Variants in TLCD4 observed in about 807,000 individuals in gnomAD.
TLCD4 encodes TLC domain-containing protein 4.
A neutral mutation model predicts 24.2 loss-of-function variants in TLCD4; 7 were observed. That is an observed-to-expected ratio of 0.29 (90% confidence interval 0.16 to 0.54). TLCD4 has a LOEUF of 0.54. Ranked by LOEUF, TLCD4 falls within the 20% of genes least tolerant of loss-of-function variation. TLCD4 has a pLI of 0.95. For missense variants in TLCD4, 259 were observed against 313.9 expected, an observed-to-expected ratio of 0.82 and a Z score of 1.32; for synonymous variants, 103 against 106.4, an observed-to-expected ratio of 0.97 and a Z score of 0.20.
At chr1:95,153,750 T>C (rs1190918916) in intron 5 of TLCD4, among the ~76,000 whole-genome samples, 1 of 152,142 alleles carries the variant, frequency 6.6e-6, no homozygotes, top group Non-Finnish European at 1.5e-5. Flanking sequence ...ATTAGGTAGC[T>C]ATTGTCTTAT....
intron 6 of TLCD4, among the ~76,000 whole-genome samples, chr1:95,189,648 A>G (rs1183064151): frequency 6.6e-6 from 1 of 152,210 alleles, no homozygotes; most frequent in Non-Finnish European, 1.5e-5. Context: ...GGAATCATAC[A>G]GTGTACAGGA....
chr1:95,111,460 AG>A, the TLCD4 span, among the ~76,000 whole-genome samples: 4 of 152,254 alleles, frequency 2.6e-5, no homozygotes, highest in Non-Finnish European at 5.9e-5. Flanking sequence ...GAACGACCAG[AG>A]GTGTTTATCA....
chr1:95,113,239 C>T (rs775868479), upstream of TLCD4, among the ~76,000 whole-genome samples: 98 of 151,918 alleles, frequency 6.5e-4, no homozygotes, highest in Non-Finnish European at 9.7e-4. Context: ...TACGGGGTTT[C>T]GCCATGTTGG....
chr1:95,096,875 G>A, the TLCD4 span, among the ~76,000 whole-genome samples: 1 of 152,186 alleles, frequency 6.6e-6, no homozygotes, highest in Non-Finnish European at 1.5e-5. Flanking sequence ...GAATTTAGGG[G>A]TAGTGGAAAG....
chr1:95,144,033 AAAG>A lies in TLCD4; in HGVS notation c.137_139del (p.Lys46del). 1 of 1,542,058 alleles carries A rather than the reference AAAG, an allele frequency of 6.5e-7. No homozygotes were observed. Among genetic ancestry groups the A allele is most frequent in the Non-Finnish European group, 8.7e-7 (1 of 1,147,466 alleles). On this transcript the variant is annotated inframe_deletion, in exon 2 of 7. Coordinates refer to ENST00000370203, the MANE Select transcript of TLCD4 (RefSeq NM_152487.3). ...CAGGTTTCAATAGTCTCAGCTTCAA[AAAG>A]AAGATTGAATGGAACTCAAGGTAAA...
chr1:95,103,022 A>G, the TLCD4 span, among the ~76,000 whole-genome samples: 75 of 151,934 alleles, frequency 4.9e-4, no homozygotes, highest in Admixed American at 8.5e-4. Context: ...TTCGTTGCCC[A>G]GGCTGGAGTG....
chr1:95,170,723 CAA>C (rs1416475534), intron 5 of TLCD4, among the ~76,000 whole-genome samples: 7 of 152,092 alleles, frequency 4.6e-5, no homozygotes, highest in African/African-American at 9.7e-5. Flanking sequence ...TTTGTCCCCT[CAA>C]GAGTCATATT....
chr1:95,136,520 C>CA (rs1446207343), intron 1 of TLCD4, among the ~76,000 whole-genome samples: 13 of 152,058 alleles, frequency 8.5e-5, no homozygotes, highest in Admixed American at 1.3e-4. Context: ...CAAATATTTA[C>CA]AAAAAATATT....
chr1:95,109,895 C>A, the TLCD4 span, among the ~76,000 whole-genome samples: 4 of 137,448 alleles, frequency 2.9e-5, no homozygotes, highest in Non-Finnish European at 6.1e-5. Flanking sequence ...GTACTACATA[C>A]ACATAATGTG....
chr1:95,184,204 A>G lies in TLCD4; in HGVS notation c.474-7346A>G, dbSNP rs561908513. On this transcript the variant is annotated intron_variant, in intron 6 of 6. Transcript: ENST00000370203. ...TTTGTTACTCACAACAGCACTTCTT[A>G]AAATTCTCTTCATTCCTCTTGGACT... Among the ~76,000 whole-genome samples the G allele has an allele frequency of 7.9e-5, 12 of 152,276 alleles. 1 individual carries two copies. The South Asian group carries it at 2.5e-3, about 32-fold the overall frequency.
chr1:95,160,234 T>C (rs1325602485), intron 5 of TLCD4, among the ~76,000 whole-genome samples: 2 of 152,214 alleles, frequency 1.3e-5, no homozygotes, highest in Non-Finnish European at 2.9e-5. Flanking sequence ...CCCTTGTAAG[T>C]TGGATTCCTA....
At chr1:95,152,466 A>C (rs1212135937) in intron 5 of TLCD4, among the ~76,000 whole-genome samples, 1 of 152,050 alleles carries the variant, frequency 6.6e-6, no homozygotes, top group Non-Finnish European at 1.5e-5. Context: ...GTTTGCAGTA[A>C]GCTTTTTTTC....
chr1:95,101,691 G>T, the TLCD4 span, among the ~76,000 whole-genome samples: 1 of 152,152 alleles, frequency 6.6e-6, no homozygotes, highest in Non-Finnish European at 1.5e-5. Flanking sequence ...GAAAAACACT[G>T]CTTTGAACAA....
chr1:95,135,423 GTC>G (rs1361130313), intron 1 of TLCD4, among the ~76,000 whole-genome samples: 1 of 144,188 alleles, frequency 6.9e-6, no homozygotes, highest in Non-Finnish European at 1.5e-5. Flanking sequence ...TTGAGACAGA[GTC>G]TTCCTCTGTC....
At chr1:95,131,097 ATTGTG>A (rs1676878809) in intron 1 of TLCD4, among the ~76,000 whole-genome samples, 1 of 152,192 alleles carries the variant, frequency 6.6e-6, no homozygotes, top group South Asian at 2.1e-4. Flanking sequence ...CATGGAAGAC[ATTGTG>A]TTGTGCATGG....
the TLCD4 span, among the ~76,000 whole-genome samples, chr1:95,098,162 A>T: frequency 1.3e-5 from 2 of 152,142 alleles, no homozygotes; most frequent in African/African-American, 4.8e-5. Flanking sequence ...CATTTTAGAG[A>T]TGAGAAGATT....
At chr1:95,154,133 A>G (rs1301425145) in intron 5 of TLCD4, among the ~76,000 whole-genome samples, 1 of 152,190 alleles carries the variant, frequency 6.6e-6, no homozygotes, top group Non-Finnish European at 1.5e-5. Context: ...TAATTCTGAG[A>G]TTCTGTGATG....
the TLCD4 span, among the ~76,000 whole-genome samples, chr1:95,107,257 A>C: frequency 6.6e-6 from 1 of 151,986 alleles, no homozygotes. Flanking sequence ...CCCTGTCTCT[A>C]CTAAAAATAC....
chr1:95,156,127 A>G (rs1191143979), intron 5 of TLCD4, among the ~76,000 whole-genome samples: 2 of 152,182 alleles, frequency 1.3e-5, no homozygotes, highest in African/African-American at 2.4e-5. Context: ...TACTTGATGT[A>G]TATTCTTGCA....
Sources: allele counts gnomAD v4.1 joint callset (sites outside exome capture counted in the v4.1 genomes callset), GRCh38; gene constraint gnomAD v4.1.1; transcripts MANE v1.5; gene names NCBI Gene and HGNC (gene_info 2026-07-23, HGNC 2026-07-21).